PKD1: variants seen among roughly 807,000 people sequenced by gnomAD.
PKD1 encodes polycystin 1, transient receptor potential channel interacting, also known as polycystin-1.
In PKD1, 81 loss-of-function variants were observed where a neutral mutation model predicts 361.7. The observed-to-expected ratio is 0.22, with a 90% CI of 0.19 to 0.27. The LOEUF (loss-of-function observed/expected upper bound fraction) is 0.27, where lower values mean the gene tolerates loss of function less well. Among genes scored for constraint, PKD1 ranks in the 10% least tolerant of loss-of-function variants. PKD1 has a pLI of 1.00. For missense variants in PKD1, 6,399 were observed against 6,118.3 expected (o/e 1.05, Z -1.53); for synonymous variants, 3,615 against 2,818.3 (o/e 1.28, Z -8.95).
At position 2,100,660 on chromosome 16, in the gene PKD1, T is replaced by A. The variant is rs1349291616; in HGVS notation, c.9398-94A>T. On this transcript the variant is annotated intron_variant, in intron 26 of 45. Coordinates refer to ENST00000262304, the MANE Select transcript of PKD1 (RefSeq NM_001009944.3). The surrounding 1 kb of genome is among the most constrained non-coding windows in gnomAD (Gnocchi z 4.4). ...CATCTCAGCTTTGGCCTGTGCGCAC[T>A]CAAGGAGCCACACAGGCAGTCCCGG... 9.1e-7 allele frequency: 1 copy of A among 1,099,504 alleles called. No individual in the cohort carries two copies. The highest frequency in any genetic ancestry group is 1.4e-6 in the Non-Finnish European group (1 of 738,576). The allele number at this position is 1,099,504 out of a possible 1,614,324, so 68.1% of individuals were successfully genotyped here.
At chr16:2,091,721 G>A (rs2091591299) in intron 41 of PKD1, 60 bp downstream of exon 41, 15 of 1,594,940 alleles carry the variant, frequency 9.4e-6, no homozygotes, top group African/African-American at 2.7e-5. Flanking sequence ...GAGGAGTGAG[G>A]GTGGGCTCCT....
Position 2,108,777 on chromosome 16 carries a change from C to G in PKD1, c.6390G>C (p.Val2130=). The change falls in exon 15 of 46, where the codon GTG becomes GTC. Residue 2130 remains valine, a synonymous_variant. Coordinates refer to ENST00000262304, the MANE Select transcript of PKD1 (RefSeq NM_001009944.3). ...YRVQVNASNL[V]SFFVAQATVT... ...CCGTGGCCTGCGCCACGAAGAAGCT[C>G]ACCAGGTTGGAGGCGTTCACCTGCA... 6.4e-7 allele frequency: 1 copy of G among 1,572,136 alleles called. No homozygotes were observed. Among genetic ancestry groups the G allele is most frequent in the Non-Finnish European group, 8.6e-7 (1 of 1,159,974 alleles).
At chr16:2,115,257 CA>C (rs2092612061) in intron 10 of PKD1, 120 bp downstream of exon 10, 2 of 1,135,300 alleles carry the variant, frequency 1.8e-6, no homozygotes, top group Non-Finnish European at 2.5e-6. Context: ...TCAGAGGTGG[CA>C]AGGACGTGGG....
Position 2,108,716 on chromosome 16 carries a change from C to G in PKD1, c.6451G>C (p.Val2151Leu), listed in dbSNP as rs772303276. ...ACCTGCAGGGGCAGGACCACGTCCA[C>G]CTCCGGCTCCCGGCAGGCCAGCACC... ...VQVLACREPE[V>L]DVVLPLQVLM... Residue 2151 changes from valine to leucine, a missense_variant, in exon 15 of 46, where the codon GTG becomes CTG. Transcript: ENST00000262304. 3.8e-6 allele frequency: 6 copies of G among 1,570,452 alleles called. No individual in the cohort carries two copies. The highest frequency in any genetic ancestry group is 5.2e-6 in the Non-Finnish European group (6 of 1,158,792).
chr16:2,113,958 GTT>G (rs1397914132), intron 11 of PKD1: 2 of 601,238 alleles, frequency 3.3e-6, no homozygotes, highest in Non-Finnish European at 5.9e-6. Flanking sequence ...AGTGGAATGA[GTT>G]AGCGGAGCCA....
intron 34 of PKD1, among the ~76,000 whole-genome samples, chr16:2,096,490 A>C (rs145534196): frequency 3.5e-4 from 54 of 152,360 alleles, no homozygotes; most frequent in African/African-American, 1.1e-3. Context: ...ATTTGTTGAT[A>C]AGTTACAAAA....
rs541129838 is a variant in PKD1 at position 2,118,577 on chromosome 16, C to T, written c.529+99G>A. The T allele has an allele frequency of 2.7e-5, 23 of 865,966 alleles. No homozygotes were observed. The highest frequency in any genetic ancestry group is 2.1e-4 in the East Asian group (8 of 38,002). 53.6% of individuals were successfully genotyped at this position (865,966 alleles called of 1,614,324 possible). A position where few individuals can be genotyped will look rare whatever the true frequency, so the allele number is the denominator to read the frequency against. On this transcript the variant is annotated intron_variant, in intron 4 of 45. Coordinates refer to ENST00000262304, the MANE Select transcript of PKD1 (RefSeq NM_001009944.3). The surrounding 1 kb of genome is among the most constrained non-coding windows in gnomAD (Gnocchi z 6.0). ...ATGCTGTTCCCTTGGCCCGGAGGCCCCCCCCAGAGAGGCCTTCCTGAGCCC... is the reference window on the plus strand; with the variant it reads ...ATGCTGTTCCCTTGGCCCGGAGGCCTCCCCCAGAGAGGCCTTCCTGAGCCC...
In PKD1 at chr16:2,111,076, C is replaced by T. The variant is rs529410704; in HGVS notation, c.4091G>A (p.Arg1364His). 26 of 1,610,646 alleles carry T rather than the reference C, an allele frequency of 1.6e-5. No individual in the cohort carries two copies. Among genetic ancestry groups the T allele is most frequent in the East Asian group, 1.1e-4 (5 of 44,884 alleles). ...TFPLALVLSS[R>H]VNRAHYFTSI... The stretch of plus-strand genomic sequence containing the variant: ...GGTGAAGTAATGCGCCCTGTTCACG[C>T]GGCTGGACAGCACCAGCGCCAGGGG... Residue 1364 changes from arginine (R) to histidine (H), a missense_variant, in exon 15 of 46, where the codon CGC (arginine) becomes CAC (histidine). Arg to His is a conservative substitution (Grantham distance 29). Coordinates refer to ENST00000262304, the MANE Select transcript of PKD1 (RefSeq NM_001009944.3).
chr16:2,107,793 C>T (rs930374679), intron 16 of PKD1, 90 bp downstream of exon 16: 3 of 1,230,356 alleles, frequency 2.4e-6, no homozygotes, highest in East Asian at 5.1e-5. Flanking sequence ...GAGCGTGCGG[C>T]CTCCACCAGC....
intron 21 of PKD1, 134 bp downstream of exon 21, chr16:2,105,188 G>A (rs1379909249): frequency 4.3e-5 from 37 of 867,670 alleles, no homozygotes; most frequent in Middle Eastern, 3.4e-4. Flanking sequence ...GTCAGAGACC[G>A]AGGAACGCCA....
At chr16:2,094,245 C>T in intron 34 of PKD1, 35 bp from the exon 35 acceptor site, 1 of 1,347,640 alleles carries the variant, frequency 7.4e-7, no homozygotes. Context: ...TTCATCCCGG[C>T]CTCCAGGAGG....
Position 2,102,919 on chromosome 16 carries a change from G to A in PKD1, c.8843C>T (p.Ser2948Leu), listed in dbSNP as rs146250848. The part of the protein sequence containing the change: ...PEPYLAVYLH[S>L]EPRPNEHNCS... ...GTTGTGCTCATTGGGCCGGGGCTCC[G>A]AGTGTAGGTAGACTGCCAGGTAGGG... The change falls in exon 24 of 46, where the codon TCG (serine) becomes TTG (leucine). Residue 2948 changes from serine to leucine, a missense_variant. Physicochemically the swap from Ser to Leu is moderately radical, Grantham distance 145 (BLOSUM62 -2). Transcript: ENST00000262304. 128 of 1,609,368 alleles carry A rather than the reference G, an allele frequency of 8.0e-5. No individual in the cohort carries two copies. The highest frequency in any genetic ancestry group is 5.9e-4 in the South Asian group (54 of 90,994).
chr16:2,109,062 C>T lies in PKD1; in HGVS notation c.6105G>A (p.Leu2035=), dbSNP rs1395577367. 1.2e-6 allele frequency: 2 copies of T among 1,606,802 alleles called. No individual in the cohort carries two copies. Among genetic ancestry groups the T allele is most frequent in the Admixed American group, 1.7e-5 (1 of 59,872 alleles). The change falls in exon 15 of 46, where the codon CTG becomes CTA. Residue 2035 remains leucine (L), a synonymous_variant. Coordinates refer to ENST00000262304, the MANE Select transcript of PKD1 (RefSeq NM_001009944.3). ...TGAAGGCGCGCACCTGGATCTCCAA[C>T]AGCCCCGCGGCCACGGGCGTGTAGG... is the stretch of plus-strand genomic sequence containing the variant. ...DVTYTPVAAG[L]LEIQVRAFNA...
At chr16:2,090,646 C>A (rs1176096899) in intron 44 of PKD1, 28 bp downstream of exon 44, 2 of 1,610,308 alleles carry the variant, frequency 1.2e-6, no homozygotes, top group South Asian at 1.1e-5. Context: ...TGAGCTAAGA[C>A]GCCCTCCCCG....
chr16:2,111,340 G>A lies in PKD1; in HGVS notation c.3827C>T (p.Ala1276Val), dbSNP rs776429943. 6.3e-5 allele frequency: 101 copies of A among 1,608,482 alleles called. No homozygotes were observed. Among genetic ancestry groups the A allele is most frequent in the Non-Finnish European group, 7.6e-5 (90 of 1,178,770 alleles). ...RAQNCTVTVG[A>V]ASPAGHLARS... is the part of the protein sequence containing the mutation. ...GGCCAGGTGGCCGGCGGGGCTGGCC[G>A]CACCCACGGTCACTGTGCAGTTCTG... The change falls in exon 15 of 46, where the codon GCG becomes GTG. Residue 1276 changes from alanine to valine, a missense_variant. By Grantham distance (64) the Ala-to-Val change is moderately conservative. Transcript: ENST00000262304.
At chr16:2,098,257 G>A (rs1302764624) in intron 30 of PKD1, 15 of 520,718 alleles carry the variant, frequency 2.9e-5, no homozygotes, top group Admixed American at 2.9e-4. Flanking sequence ...CACCCAGGCT[G>A]GAGTGCAATG....
At position 2,110,235 on chromosome 16, in the gene PKD1, G is replaced by A. The variant is rs765617134; in HGVS notation, c.4932C>T (p.Phe1644=). Residue 1644 remains phenylalanine, a synonymous_variant, in exon 15 of 46, where the codon TTC becomes TTT. Transcript: ENST00000262304. ...GLQVVGGGRY[F]PTNHTVQLQA... ...GCAGCTGTACCGTGTGGTTGGTGGGGAAGTAGCGGCCACCGCCCACCACCT... is the reference window on the plus strand; with the variant it reads ...GCAGCTGTACCGTGTGGTTGGTGGGAAAGTAGCGGCCACCGCCCACCACCT... 4 of 1,612,130 alleles carry A rather than the reference G, an allele frequency of 2.5e-6. No individual in the cohort carries two copies. Among genetic ancestry groups the A allele is most frequent in the Non-Finnish European group, 1.7e-6 (2 of 1,179,746 alleles).
At chr16:2,105,223 G>A in intron 21 of PKD1, 99 bp downstream of exon 21, 2 of 1,182,402 alleles carry the variant, frequency 1.7e-6, no homozygotes, top group South Asian at 1.3e-5. Flanking sequence ...CCAGGCTGGA[G>A]GCTCAGCTCC....
At chr16:2,112,209 AAGC>A (rs1356196502) in intron 14 of PKD1, 128 bp downstream of exon 14, 7 of 831,020 alleles carry the variant, frequency 8.4e-6, no homozygotes, top group Non-Finnish European at 1.4e-5. Flanking sequence ...GTAGGGGCCT[AAGC>A]CATCAGCCCA....
Sources: allele counts gnomAD v4.1 joint callset (sites outside exome capture counted in the v4.1 genomes callset), GRCh38; gene constraint gnomAD v4.1.1; non-coding constraint Gnocchi (gnomAD v3.1); transcripts MANE v1.5; gene names NCBI Gene and HGNC (gene_info 2026-07-23, HGNC 2026-07-21).